PROM1: variants seen among roughly 807,000 people sequenced by gnomAD.
PROM1 encodes the protein prominin 1, also known as prominin-1.
PROM1 carries 105 observed loss-of-function variants against 116.9 expected under a neutral mutation model. That is an observed-to-expected ratio of 0.90 (90% confidence interval 0.77 to 1.06). The LOEUF is 1.06. PROM1 is among the 50% of genes least tolerant of loss of function. PROM1 has a pLI of 0.00. For synonymous variants in PROM1, 393 were observed against 387.0 expected, an observed-to-expected ratio of 1.02 and a Z score of -0.18; for missense variants, 1,122 against 1,045.2, an observed-to-expected ratio of 1.07 and a Z score of -1.01.
At chr4:16,063,822 T>G (rs1308539776) in intron 2 of PROM1, among the ~76,000 whole-genome samples, 1 of 152,168 alleles carries the variant, frequency 6.6e-6, no homozygotes, top group African/African-American at 2.4e-5. Context: ...CATTCTGAAA[T>G]ACTTACAGAT....
rs1717924441 is a variant in PROM1, at chr4:15,981,462, C to T, written c.2374-925G>A. On this transcript the variant is annotated intron_variant, in intron 23 of 27. Coordinates refer to ENST00000447510, the MANE Select transcript of PROM1 (RefSeq NM_006017.3). The stretch of plus-strand genomic sequence containing the variant: ...TGGTGTGTGCCTGTAATCCCAGCTA[C>T]TCGGGAGGCTGAGGCAGGAGAATCA... Among the ~76,000 whole-genome samples the T allele has an allele frequency of 2.0e-5, 3 of 151,716 alleles. No homozygotes were observed. In the South Asian group the frequency reaches 6.2e-4, roughly 32 times the overall value.
At chr4:16,029,045 A>G (rs1560524223) in intron 5 of PROM1, among the ~76,000 whole-genome samples, 1 of 152,236 alleles carries the variant, frequency 6.6e-6, no homozygotes, top group Non-Finnish European at 1.5e-5. Flanking sequence ...AAAGAAAGCC[A>G]AACAAATGCT....
rs1469132184 is a variant in PROM1 at position 16,015,725 on chromosome 4, A to C, written c.1077+441T>G. 2.0e-5 allele frequency among the ~76,000 whole-genome samples: 3 copies of C among 151,924 alleles called. No individual in the cohort carries two copies. In the East Asian group the frequency reaches 5.8e-4, roughly 29 times the overall value. The stretch of plus-strand genomic sequence containing the variant: ...ACAAAACAAAACAAAAAAACAACTA[A>C]GTAGCTAGCTACTTGGAGAGGGGAA... On this transcript the variant is annotated intron_variant, in intron 10 of 27. Transcript: ENST00000447510.
In PROM1 at chr4:16,009,032, G is replaced by C. The variant is rs886059203; in HGVS notation, c.1218C>G (p.Leu406=). Residue 406 remains leucine, a synonymous_variant, in exon 12 of 28, where the codon CTC becomes CTG. Coordinates refer to ENST00000447510, the MANE Select transcript of PROM1 (RefSeq NM_006017.3). ...VTQRLPIQDI[L]SAFSVYVNNT... is the part of the protein sequence containing the mutation. Reference sequence around the variant, plus strand: ...TATTAACATAAACAGAGAATGCTGAGAGTATATCCTGAATAGGAAGACGCT... The same window carrying C: ...TATTAACATAAACAGAGAATGCTGACAGTATATCCTGAATAGGAAGACGCT... 6.2e-7 allele frequency: 1 copy of C among 1,601,044 alleles called. No individual in the cohort carries two copies. The highest frequency in any genetic ancestry group is 1.7e-5 in the Admixed American group (1 of 59,980).
intron 2 of PROM1, among the ~76,000 whole-genome samples, chr4:16,044,760 G>A (rs1459113503): frequency 1.3e-5 from 2 of 152,074 alleles, no homozygotes; most frequent in African/African-American, 4.8e-5. Context: ...TTCTTTCCAG[G>A]CATATAAGAC....
rs1334954534 is a variant in PROM1, at chr4:15,979,439, A to G, written c.2538T>C (p.Tyr846=). 6.2e-7 allele frequency: 1 copy of G among 1,612,438 alleles called. No individual in the cohort carries two copies. The highest frequency in any genetic ancestry group is 1.1e-5 in the South Asian group (1 of 90,770). ...GAATACCATATACATGATCTTTATG[A>G]TAACCATTATTACCATTTTCCATAC... ...MKNMENGNNG[Y]HKDHVYGIHN... The change falls in exon 26 of 28, where the codon TAT becomes TAC. Residue 846 remains tyrosine, a synonymous_variant. Coordinates refer to ENST00000447510, the MANE Select transcript of PROM1 (RefSeq NM_006017.3).
At position 15,998,425 on chromosome 4, in the gene PROM1, T is replaced by C; in HGVS notation, c.1642A>G (p.Asn548Asp). 6.2e-7 allele frequency: 1 copy of C among 1,609,166 alleles called. No individual in the cohort carries two copies. The highest frequency in any genetic ancestry group is 1.7e-5 in the Admixed American group (1 of 58,896). Reference protein sequence around the residue: ...WEYYLSGKLFNKSKMKLTFEQ... With the variant: ...WEYYLSGKLFDKSKMKLTFEQ... Reference sequence around the variant, plus strand: ...AAAGTGAGCTTCATTTTTGATTTATTAAATAGCTTCCCAGAGAGATAGTAT... The same window carrying C: ...AAAGTGAGCTTCATTTTTGATTTATCAAATAGCTTCCCAGAGAGATAGTAT... The change falls in exon 15 of 28, where the codon AAT becomes GAT. Residue 548 changes from asparagine (N) to aspartate (D), a missense_variant. Asn to Asp is a conservative substitution (Grantham distance 23, BLOSUM62 1). Coordinates refer to ENST00000447510, the MANE Select transcript of PROM1 (RefSeq NM_006017.3).
At chr4:16,037,517 G>GT (rs1241893683) in intron 3 of PROM1, among the ~76,000 whole-genome samples, 4 of 152,032 alleles carry the variant, frequency 2.6e-5, no homozygotes, top group African/African-American at 7.3e-5. Context: ...TGTAACTACC[G>GT]TATCTGAGGT....
chr4:16,041,785 A>T (rs6841380), intron 2 of PROM1, among the ~76,000 whole-genome samples: 11,834 of 37,168 alleles, frequency 0.32, 685 homozygotes, highest in African/African-American at 0.39. Flanking sequence ...TAAATAAATA[A>T]ATATATATAT....
At chr4:15,991,379 G>A in intron 17 of PROM1, 86 bp from the exon 18 acceptor site, 1 of 872,470 alleles carries the variant, frequency 1.1e-6, no homozygotes, top group East Asian at 3.0e-5. Flanking sequence ...GATTAAACAT[G>A]GATTCATAAC....
At chr4:16,056,204 C>A (rs1443557217) in intron 2 of PROM1, among the ~76,000 whole-genome samples, 1 of 152,080 alleles carries the variant, frequency 6.6e-6, no homozygotes, top group Non-Finnish European at 1.5e-5. Flanking sequence ...AGCAGTCGGC[C>A]GCTTGGGTGT....
intron 2 of PROM1, among the ~76,000 whole-genome samples, chr4:16,054,838 G>A (rs978654095): frequency 6.6e-6 from 1 of 151,846 alleles, no homozygotes; most frequent in Non-Finnish European, 1.5e-5. Flanking sequence ...CCCTATAATG[G>A]TCAGTACTCG....
At chr4:16,028,852 G>T (rs764927813) in intron 5 of PROM1, among the ~76,000 whole-genome samples, 2 of 152,150 alleles carry the variant, frequency 1.3e-5, no homozygotes, top group Non-Finnish European at 2.9e-5. Context: ...TTTAGCAGAA[G>T]ATAGGAATTT....
intron 25 of PROM1, 99 bp from the exon 26 acceptor site, chr4:15,979,562 T>C: frequency 1.4e-6 from 2 of 1,426,254 alleles, no homozygotes; most frequent in Non-Finnish European, 1.8e-6. Flanking sequence ...ATGAAAAGTA[T>C]GTAACAATTT....
intron 2 of PROM1, among the ~76,000 whole-genome samples, chr4:16,046,245 TG>T (rs1365269415): frequency 1.3e-5 from 2 of 152,174 alleles, no homozygotes; most frequent in Non-Finnish European, 2.9e-5. Flanking sequence ...AACATTTACA[TG>T]GTTTATATGT....
intron 11 of PROM1, among the ~76,000 whole-genome samples, chr4:16,011,141 C>T (rs1475830362): frequency 6.6e-6 from 1 of 152,170 alleles, no homozygotes; most frequent in Non-Finnish European, 1.5e-5. Flanking sequence ...GCTGCTCTGA[C>T]AACTCTCTAT....
chr4:15,977,635 G>A (rs1313529058), intron 26 of PROM1, among the ~76,000 whole-genome samples: 2 of 152,184 alleles, frequency 1.3e-5, no homozygotes, highest in Non-Finnish European at 2.9e-5. Context: ...GTCTCCCTCT[G>A]TCACCCAGGC....
At chr4:15,976,743 T>C (rs1252814996) in intron 26 of PROM1, among the ~76,000 whole-genome samples, 1 of 152,218 alleles carries the variant, frequency 6.6e-6, no homozygotes. Flanking sequence ...GAGGACTTAT[T>C]GGATGCAGCA....
At chr4:15,973,609 A>G (rs1436613595) in intron 26 of PROM1, among the ~76,000 whole-genome samples, 1 of 152,190 alleles carries the variant, frequency 6.6e-6, no homozygotes, top group Non-Finnish European at 1.5e-5. Flanking sequence ...TCATATGAAA[A>G]TCAGATTTCT....
Sources: gnomAD v4.1 joint callset for allele counts (sites outside exome capture counted in the v4.1 genomes callset) on GRCh38, gnomAD v4.1.1 for gene constraint, MANE v1.5 for transcripts, NCBI Gene and HGNC (gene_info 2026-07-23, HGNC 2026-07-21) for gene names.